The following PRKAB1 variants were observed in gnomAD, a reference collection of about 807,000 sequenced individuals.
PRKAB1 encodes protein kinase AMP-activated non-catalytic subunit beta 1.
In PRKAB1, 18 loss-of-function variants were observed where a neutral mutation model predicts 32.0. That is an observed-to-expected ratio of 0.56 (90% CI 0.39 to 0.83). PRKAB1 has a LOEUF of 0.83. Ranked by LOEUF, PRKAB1 falls within the 40% of genes least tolerant of loss-of-function variation. The pLI is 0.00. For synonymous variants in PRKAB1, 141 were observed against 141.4 expected (o/e 1.00, Z 0.02); for missense variants, 263 against 352.6 (o/e 0.75, Z 2.03).
chr12:119,673,911 G>C, intron 2 of PRKAB1, 53 bp from the exon 3 acceptor site: 1 of 1,491,574 alleles, frequency 6.7e-7, no homozygotes, highest in Non-Finnish European at 9.2e-7. Context: ...TGGCAAGTAA[G>C]CTCGGGGGGC....
chr12:119,673,929 C>A, intron 2 of PRKAB1, 35 bp from the exon 3 acceptor site: 2 of 1,582,510 alleles, frequency 1.3e-6, no homozygotes, highest in Non-Finnish European at 8.6e-7. Flanking sequence ...GGCAGCCCAC[C>A]CCACGGAAGT....
At position 119,681,485 on chromosome 12, in the gene PRKAB1, GGAGGAGT is replaced by G; in HGVS notation, c.*1164_*1170del. On this transcript the variant is annotated 3_prime_UTR_variant, in exon 7 of 7. Coordinates refer to ENST00000229328, the MANE Select transcript of PRKAB1 (RefSeq NM_006253.5). Reference sequence around the variant, plus strand: ...ATGCCCTTTGCTCCTGGTGGGAGAGGGAGGAGTGAGCTCCCTGGGTTCCAGTATTTAC... The same window carrying G: ...ATGCCCTTTGCTCCTGGTGGGAGAGGGAGCTCCCTGGGTTCCAGTATTTAC... The G allele has an allele frequency of 6.6e-6, 1 of 152,232 alleles. No individual in the cohort carries two copies. Among genetic ancestry groups the G allele is most frequent in the Non-Finnish European group, 1.5e-5 (1 of 68,038 alleles). 9.4% of individuals were successfully genotyped at this position (152,232 alleles called of 1,614,324 possible).
In PRKAB1 at chr12:119,680,393, C is replaced by T; in HGVS notation, c.*68C>T. On this transcript the variant is annotated 3_prime_UTR_variant, in exon 7 of 7. Coordinates refer to ENST00000229328, the MANE Select transcript of PRKAB1 (RefSeq NM_006253.5). ...AGGCTCCACACGTGCATGCTTTCCC[C>T]AAGAGGGAATGGACTGTACATTGCT... 2 of 1,442,228 alleles carry T rather than the reference C, an allele frequency of 1.4e-6. No individual in the cohort carries two copies. Among genetic ancestry groups the T allele is most frequent in the Non-Finnish European group, 1.9e-6 (2 of 1,029,492 alleles). The allele number at this position is 1,442,228 out of a possible 1,614,324, so 89.3% of individuals were successfully genotyped here.
chr12:119,677,163 T>G (rs982542293), intron 5 of PRKAB1, among the ~76,000 whole-genome samples: 1 of 152,254 alleles, frequency 6.6e-6, no homozygotes, highest in African/African-American at 2.4e-5. Context: ...TCTGTTGTGA[T>G]TCTGTTTTCT....
At chr12:119,678,374 C>T (rs557506406) in intron 5 of PRKAB1, 2 of 152,392 alleles carry the variant, frequency 1.3e-5, no homozygotes, top group African/African-American at 2.4e-5. Flanking sequence ...AACTGAGGCA[C>T]AGAGCAGTAG....
At position 119,679,129 on chromosome 12, in the gene PRKAB1, C is replaced by T. The variant is rs1172066660; in HGVS notation, c.667-804C>T. ...AATATACATAATTTTATCTGTCAAT[C>T]TTTGAAATTGATTAATTTTTTAAAA... On this transcript the variant is annotated intron_variant, in intron 5 of 6. Coordinates refer to ENST00000229328, the MANE Select transcript of PRKAB1 (RefSeq NM_006253.5). This position sits in a 1 kb window ranked among gnomAD's most constrained non-coding sequence, Gnocchi z 4.1. 9 of 152,196 alleles carry T rather than the reference C, an allele frequency of 5.9e-5. No individual in the cohort carries two copies. The highest frequency in any genetic ancestry group is 8.8e-5 in the Non-Finnish European group (6 of 68,034). The allele number at this position is 152,196 out of a possible 1,614,324, so 9.4% of individuals were successfully genotyped here.
chr12:119,673,920 G>T (rs1210498281), intron 2 of PRKAB1, 44 bp from the exon 3 acceptor site: 1 of 1,544,986 alleles, frequency 6.5e-7, no homozygotes, highest in Admixed American at 1.8e-5. Context: ...AGCTCGGGGG[G>T]CAGCCCACCC....
Position 119,680,545 on chromosome 12 carries a change from C to T in PRKAB1, c.*220C>T, listed in dbSNP as rs1282538037. The T allele has an allele frequency of 5.3e-6, 3 of 567,686 alleles. No individual in the cohort carries two copies. The African/African-American group carries it at 5.6e-5, about 11-fold the overall frequency. 35.2% of individuals were successfully genotyped at this position (567,686 alleles called of 1,614,324 possible). ...TCCTAGCACCCCCATGGCTTTGAGC[C>T]TCGGGGACTCATCAAGTCCAAGAAA... is the stretch of plus-strand genomic sequence containing the variant. On this transcript the variant is annotated 3_prime_UTR_variant, in exon 7 of 7. Transcript: ENST00000229328.
chr12:119,674,160 TC>T lies in PRKAB1; in HGVS notation c.417+107del. The T allele has an allele frequency of 1.7e-6, 2 of 1,184,390 alleles. No homozygotes were observed. The highest frequency in any genetic ancestry group is 2.4e-6 in the Non-Finnish European group (2 of 817,164). 73.4% of individuals were successfully genotyped at this position (1,184,390 alleles called of 1,614,324 possible). On this transcript the variant is annotated intron_variant, in intron 3 of 6. Coordinates refer to ENST00000229328, the MANE Select transcript of PRKAB1 (RefSeq NM_006253.5). The surrounding 1 kb of genome is among the most constrained non-coding windows in gnomAD (Gnocchi z 4.3). The stretch of plus-strand genomic sequence containing the variant: ...GGTCCCTTTGCCCAGCTAGTAAAAG[TC>T]CCCGTGTGTGGCAGAGCTGAGTAGC...
intron 1 of PRKAB1, among the ~76,000 whole-genome samples, chr12:119,671,910 A>G (rs983523902): frequency 2.6e-5 from 4 of 152,244 alleles, no homozygotes; most frequent in African/African-American, 7.2e-5. Context: ...TGACTAAGAC[A>G]TCATGCACAT....
chr12:119,679,220 A>C lies in PRKAB1; in HGVS notation c.667-713A>C, dbSNP rs1955447451. On this transcript the variant is annotated intron_variant, in intron 5 of 6. Transcript: ENST00000229328. This position sits in a 1 kb window ranked among gnomAD's most constrained non-coding sequence, Gnocchi z 4.1. ...TCACATCAGGCTTGGCTGGTGCCAG[A>C]TCCTTGGTAGTTGGTGCTCTCAGCA... 6.6e-6 allele frequency: 1 copy of C among 152,308 alleles called. No individual in the cohort carries two copies. Among genetic ancestry groups the C allele is most frequent in the South Asian group, 2.1e-4 (1 of 4,832 alleles). 9.4% of individuals were successfully genotyped at this position (152,308 alleles called of 1,614,324 possible).
At chr12:119,670,983 C>T (rs1049611443) in intron 1 of PRKAB1, among the ~76,000 whole-genome samples, 1 of 152,200 alleles carries the variant, frequency 6.6e-6, no homozygotes, top group South Asian at 2.1e-4. Context: ...AAGTCTTTGG[C>T]TTCTGACTGG....
At chr12:119,672,511 CTTCT>C (rs1555211242) in intron 2 of PRKAB1, 47 bp downstream of exon 2, 17 of 1,441,388 alleles carry the variant, frequency 1.2e-5, no homozygotes, top group Non-Finnish European at 1.6e-5. Flanking sequence ...CATAAATTCT[CTTCT>C]TTCTAAAACA....
intron 4 of PRKAB1, among the ~76,000 whole-genome samples, chr12:119,676,130 G>T (rs969915687): frequency 2.0e-5 from 3 of 152,194 alleles, no homozygotes; most frequent in Non-Finnish European, 2.9e-5. Flanking sequence ...GCGGCCGGGG[G>T]TGCCCATAAC....
Position 119,679,911 on chromosome 12 carries a change from C to T in PRKAB1, c.667-22C>T, listed in dbSNP as rs199701844. On this transcript the variant is annotated intron_variant, in intron 5 of 6. Coordinates refer to ENST00000229328, the MANE Select transcript of PRKAB1 (RefSeq NM_006253.5). The surrounding 1 kb of genome is among the most constrained non-coding windows in gnomAD (Gnocchi z 4.1). ...TGGTTTCCAAATCCCAAATGCTCAC[C>T]GCTGCCTTTGTTCCCTCACAGTGTG... is the stretch of plus-strand genomic sequence containing the variant. 6.8e-6 allele frequency: 11 copies of T among 1,612,722 alleles called. No homozygotes were observed. The highest frequency in any genetic ancestry group is 6.7e-5 in the African/African-American group (5 of 74,998).
Position 119,676,702 on chromosome 12 carries a change from G to A in PRKAB1, c.666+32G>A, listed in dbSNP as rs278149. ...ATGTGGGCATCTGCCCGGACCATCCGCCGTGGGTCATGTTCAGTTGCTTTC... is the reference window on the plus strand; with the variant it reads ...ATGTGGGCATCTGCCCGGACCATCCACCGTGGGTCATGTTCAGTTGCTTTC... On this transcript the variant is annotated intron_variant, in intron 5 of 6. Coordinates refer to ENST00000229328, the MANE Select transcript of PRKAB1 (RefSeq NM_006253.5). 1.2e-4 allele frequency: 195 copies of A among 1,606,762 alleles called. 1 individual carries two copies. The East Asian group carries it at 3.1e-3, about 26-fold the overall frequency.
In PRKAB1 at chr12:119,674,454, G is replaced by C. The variant is rs1293078878; in HGVS notation, c.532G>C (p.Glu178Gln). 6.3e-7 allele frequency: 1 copy of C among 1,599,952 alleles called. No individual in the cohort carries two copies. Among genetic ancestry groups the C allele is most frequent in the Admixed American group, 1.7e-5 (1 of 59,996 alleles). The change falls in exon 4 of 7, where the codon GAG (glutamate) becomes CAG (glutamine). Residue 178 changes from glutamate (E) to glutamine (Q), a missense_variant and splice_region_variant. Glu to Gln is a conservative substitution (Grantham distance 29). Transcript: ENST00000229328. The surrounding 1 kb of genome is among the most constrained non-coding windows in gnomAD (Gnocchi z 4.3). ...TTCCCAAAAGTGCTCCGATGTGTCT[G>C]GTATGAACACAGTTATTTTATACCA... ...VDSQKCSDVS[E>Q]LSSSPPGPYH... is the part of the protein sequence containing the mutation.
At position 119,680,311 on chromosome 12, in the gene PRKAB1, T is replaced by C. The variant is rs774014433; in HGVS notation, c.799T>C (p.Tyr267His). ...GAAGAAGTACGTCACCACCTTGTTA[T>C]ACAAGCCCATATGAAGAGCTGGGGG... ...YKKKYVTTLLYKPI is the reference protein window; with the variant it reads ...YKKKYVTTLLHKPI The change falls in exon 7 of 7, where the codon TAC becomes CAC. Residue 267 changes from tyrosine (Y) to histidine (H), a missense_variant. By Grantham distance (83) the Tyr-to-His change is moderately conservative. Coordinates refer to ENST00000229328, the MANE Select transcript of PRKAB1 (RefSeq NM_006253.5). 3.5e-5 allele frequency: 57 copies of C among 1,613,920 alleles called. No individual in the cohort carries two copies. Among genetic ancestry groups the C allele is most frequent in the Non-Finnish European group, 4.7e-5 (55 of 1,179,944 alleles).
chr12:119,680,396 G>A lies in PRKAB1; in HGVS notation c.*71G>A, dbSNP rs1440493793. ...CTCCACACGTGCATGCTTTCCCCAA[G>A]AGGGAATGGACTGTACATTGCTCAT... is the stretch of plus-strand genomic sequence containing the variant. On this transcript the variant is annotated 3_prime_UTR_variant, in exon 7 of 7. Coordinates refer to ENST00000229328, the MANE Select transcript of PRKAB1 (RefSeq NM_006253.5). 4.9e-6 allele frequency: 7 copies of A among 1,416,444 alleles called. No individual in the cohort carries two copies. The highest frequency in any genetic ancestry group is 3.5e-5 in the Admixed American group (2 of 56,618). The allele number at this position is 1,416,444 out of a possible 1,614,324, so 87.7% of individuals were successfully genotyped here. A position where few individuals can be genotyped will look rare whatever the true frequency, so the allele number is the denominator to read the frequency against.
Sources: allele counts gnomAD v4.1 joint callset (sites outside exome capture counted in the v4.1 genomes callset), GRCh38; gene constraint gnomAD v4.1.1; non-coding constraint Gnocchi (gnomAD v3.1); transcripts MANE v1.5; gene names NCBI Gene and HGNC (gene_info 2026-07-23, HGNC 2026-07-21).